CCDC141: variants seen among roughly 807,000 people sequenced by gnomAD.
CCDC141 encodes coiled-coil domain-containing protein 141.
In CCDC141, 168 loss-of-function variants were observed where a neutral mutation model predicts 181.0. That is an observed-to-expected ratio of 0.93 (90% confidence interval 0.82 to 1.05). The LOEUF is 1.05. Among genes scored for constraint, CCDC141 ranks in the 50% least tolerant of loss-of-function variants. The pLI is 0.00. For synonymous variants in CCDC141, 666 were observed against 642.3 expected, an observed-to-expected ratio of 1.04 and a Z score of -0.56; for missense variants, 1,902 against 1,788.5, an observed-to-expected ratio of 1.06 and a Z score of -1.14.
intron 2 of CCDC141, among the ~76,000 whole-genome samples, chr2:178,983,941 T>C (rs1244320002): frequency 1.3e-4 from 20 of 149,880 alleles, no homozygotes; most frequent in African/African-American, 4.9e-4. Flanking sequence ...CAGGCCAACG[T>C]TCAGATTCAG....
chr2:178,849,847 T>C (rs1685090110), intron 21 of CCDC141, among the ~76,000 whole-genome samples: 1 of 151,944 alleles, frequency 6.6e-6, no homozygotes, highest in African/African-American at 2.4e-5. Context: ...TTACCAGCAA[T>C]ATTTTTCTCT....
chr2:178,917,595 A>G lies in CCDC141; in HGVS notation c.1092+1118T>C, dbSNP rs563483481. Among the ~76,000 whole-genome samples the G allele has an allele frequency of 2.0e-5, 3 of 152,358 alleles. No homozygotes were observed. The South Asian group carries it at 6.2e-4, about 32-fold the overall frequency. On this transcript the variant is annotated intron_variant, in intron 7 of 23. Coordinates refer to ENST00000443758, the MANE Select transcript of CCDC141 (RefSeq NM_173648.4). ...CCACATTGTCCGTTTTGAAAACATC[A>G]GTGAAATTTAAGGTATGAAACAATT...
chr2:178,934,297 C>A (rs1261038604), intron 6 of CCDC141, among the ~76,000 whole-genome samples: 2 of 151,872 alleles, frequency 1.3e-5, no homozygotes, highest in Admixed American at 1.3e-4. Flanking sequence ...ACTGATTATG[C>A]CTTCTCAAAA....
intron 2 of CCDC141, among the ~76,000 whole-genome samples, chr2:179,027,474 C>A (rs147414865): frequency 1.3e-3 from 203 of 151,676 alleles, no homozygotes; most frequent in Middle Eastern, 0.01. Context: ...GAAACCCTGT[C>A]TCTACTAAAA....
intron 23 of CCDC141, 82 bp from the exon 24 acceptor site, chr2:178,834,522 G>T: frequency 4.3e-6 from 6 of 1,399,658 alleles, no homozygotes; most frequent in Non-Finnish European, 5.8e-6. Flanking sequence ...TTGCAAATAG[G>T]CCCATTACCA....
At chr2:178,824,090 G>A in the CCDC141 span, among the ~76,000 whole-genome samples, 11 of 97,902 alleles carry the variant, frequency 1.1e-4, no homozygotes, top group South Asian at 2.8e-4. Context: ...ACACACACAC[G>A]TATAGCAAAG....
intron 17 of CCDC141, among the ~76,000 whole-genome samples, chr2:178,864,161 G>A (rs960366594): frequency 6.6e-6 from 1 of 152,150 alleles, no homozygotes; most frequent in Non-Finnish European, 1.5e-5. Flanking sequence ...CTGCAAAGAG[G>A]GAGGATTTTG....
At chr2:179,014,439 A>G (rs182302020) in intron 2 of CCDC141, among the ~76,000 whole-genome samples, 184 of 152,320 alleles carry the variant, frequency 1.2e-3, no homozygotes, top group African/African-American at 4.2e-3. Flanking sequence ...ATGAAACTTA[A>G]GAGCTTTTGC....
intron 2 of CCDC141, chr2:179,002,449 TG>T: frequency 2.5e-6 from 1 of 394,350 alleles, no homozygotes; most frequent in Non-Finnish European, 5.1e-6. Context: ...CCTCATCACT[TG>T]GGGCCCAAAA....
At chr2:178,884,427 A>G (rs892357696) in intron 11 of CCDC141, among the ~76,000 whole-genome samples, 3 of 152,184 alleles carry the variant, frequency 2.0e-5, no homozygotes, top group Non-Finnish European at 2.9e-5. Context: ...TATCTTATGT[A>G]AAATATAGAT....
chr2:178,995,426 A>G (rs185436720), intron 2 of CCDC141, among the ~76,000 whole-genome samples: 4 of 152,224 alleles, frequency 2.6e-5, no homozygotes, highest in Non-Finnish European at 1.5e-5. Context: ...TGATTCAATT[A>G]TCTCCCACCA....
At chr2:178,883,593 T>C (rs1686730338) in intron 11 of CCDC141, among the ~76,000 whole-genome samples, 1 of 151,776 alleles carries the variant, frequency 6.6e-6, no homozygotes, top group African/African-American at 2.4e-5. Context: ...AAGGAAGGTG[T>C]TGAGAAGGTA....
chr2:178,823,038 A>G, the CCDC141 span, among the ~76,000 whole-genome samples: 39 of 152,328 alleles, frequency 2.6e-4, 2 homozygotes, highest in South Asian at 7.9e-3. Flanking sequence ...ATATAGCACA[A>G]TGAGAAGCCA....
intron 2 of CCDC141, among the ~76,000 whole-genome samples, chr2:179,040,235 G>A (rs1575380710): frequency 6.6e-6 from 1 of 152,270 alleles, no homozygotes; most frequent in East Asian, 1.9e-4. Context: ...TCATTTTAAA[G>A]ATAAAAAGCC....
intron 4 of CCDC141, 137 bp from the exon 5 acceptor site, chr2:178,961,620 T>C (rs1690406371): frequency 1.3e-6 from 1 of 782,456 alleles, no homozygotes; most frequent in Non-Finnish European, 1.9e-6. Context: ...GGAATTAAAA[T>C]ATGTAAACAG....
At chr2:178,934,000 T>C (rs1689191873) in intron 6 of CCDC141, among the ~76,000 whole-genome samples, 1 of 152,208 alleles carries the variant, frequency 6.6e-6, no homozygotes, top group Non-Finnish European at 1.5e-5. Flanking sequence ...ATTTCTTTTT[T>C]AACAGAAACT....
intron 6 of CCDC141, among the ~76,000 whole-genome samples, chr2:178,919,164 C>T (rs569753157): frequency 2.0e-5 from 3 of 152,034 alleles, no homozygotes; most frequent in Non-Finnish European, 2.9e-5. Context: ...GTGCTGGCAC[C>T]CTGATCTCAA....
chr2:178,896,311 G>A (rs961430405), intron 8 of CCDC141, among the ~76,000 whole-genome samples: 8 of 152,126 alleles, frequency 5.3e-5, no homozygotes, highest in Non-Finnish European at 1.0e-4. Flanking sequence ...CTGAAGAAGT[G>A]ACCGCAACAT....
chr2:178,892,779 T>C (rs1269303066), intron 8 of CCDC141, among the ~76,000 whole-genome samples: 2 of 152,088 alleles, frequency 1.3e-5, no homozygotes, highest in African/African-American at 4.8e-5. Flanking sequence ...CAGAAATGAG[T>C]CCTATTACTT....
Sources: gnomAD v4.1 joint callset for allele counts (sites outside exome capture counted in the v4.1 genomes callset) on GRCh38, gnomAD v4.1.1 for gene constraint, MANE v1.5 for transcripts, NCBI Gene and HGNC (gene_info 2026-07-23, HGNC 2026-07-21) for gene names.